The following LRRC7 variants were observed in gnomAD, a reference collection of about 807,000 sequenced individuals.
The protein encoded by LRRC7 is leucine rich repeat containing 7.
A neutral mutation model predicts 175.7 loss-of-function variants in LRRC7; 23 were observed. The observed-to-expected ratio is 0.13, with a 90% CI of 0.09 to 0.19. The LOEUF (loss-of-function observed/expected upper bound fraction) is 0.19, where lower values mean the gene tolerates loss of function less well. Ranked by LOEUF, LRRC7 falls within the 10% of genes least tolerant of loss-of-function variation. The pLI is 1.00. For synonymous variants in LRRC7, 685 were observed against 680.9 expected (o/e 1.01, Z -0.09); for missense variants, 1,354 against 1,904.7 (o/e 0.71, Z 5.38).
At chr1:70,088,269 T>G (rs1452003300) in intron 24 of LRRC7, among the ~76,000 whole-genome samples, 1 of 152,126 alleles carries the variant, frequency 6.6e-6, no homozygotes, top group Non-Finnish European at 1.5e-5. Context: ...TTAAAAGTTG[T>G]AAAAGAGTTG....
chr1:69,799,118 T>C (rs1282030707), intron 4 of LRRC7, among the ~76,000 whole-genome samples: 1 of 139,666 alleles, frequency 7.2e-6, no homozygotes, highest in Non-Finnish European at 1.6e-5. Flanking sequence ...TTTTTTTTTT[T>C]GATTATGTGG....
chr1:69,959,379 C>T (rs1650821736), intron 8 of LRRC7, among the ~76,000 whole-genome samples: 2 of 151,950 alleles, frequency 1.3e-5, no homozygotes, highest in Non-Finnish European at 2.9e-5. Context: ...TTTAGCCTAT[C>T]AGTGATATAT....
intron 2 of LRRC7, chr1:69,716,163 A>G: frequency 2.2e-6 from 1 of 444,906 alleles, no homozygotes. Context: ...ATGAAAAAAA[A>G]TGCAAGTCAA....
At chr1:69,800,653 T>C (rs1352345069) in intron 4 of LRRC7, among the ~76,000 whole-genome samples, 7 of 151,948 alleles carry the variant, frequency 4.6e-5, no homozygotes, top group Admixed American at 4.6e-4. Flanking sequence ...TCTTTAGGGT[T>C]TTCTAGGTAT....
At chr1:69,700,787 C>G (rs1373839890) in intron 2 of LRRC7, among the ~76,000 whole-genome samples, 3 of 152,118 alleles carry the variant, frequency 2.0e-5, no homozygotes, top group Non-Finnish European at 4.4e-5. Flanking sequence ...TGACTCAGTT[C>G]CAAAGTTTGA....
At chr1:69,642,454 C>A (rs557656595) in intron 1 of LRRC7, among the ~76,000 whole-genome samples, 2 of 152,006 alleles carry the variant, frequency 1.3e-5, no homozygotes, top group East Asian at 3.9e-4. Context: ...TACCTTCAAG[C>A]AAAAGTAAGG....
intron 1 of LRRC7, among the ~76,000 whole-genome samples, chr1:69,604,277 CCTACAAAGTTAATG>C (rs1317192798): frequency 6.6e-6 from 1 of 152,084 alleles, no homozygotes; most frequent in East Asian, 1.9e-4. Context: ...CATATTCTAT[CCTACAAAGTTAATG>C]CTACAAAGTT....
At chr1:69,872,556 C>G (rs1344507290) in intron 7 of LRRC7, among the ~76,000 whole-genome samples, 1 of 151,954 alleles carries the variant, frequency 6.6e-6, no homozygotes, top group Non-Finnish European at 1.5e-5. Flanking sequence ...TGAGCTATTG[C>G]TGTATCTAGA....
At chr1:69,929,099 C>T (rs1647186960) in intron 7 of LRRC7, among the ~76,000 whole-genome samples, 1 of 152,122 alleles carries the variant, frequency 6.6e-6, no homozygotes, top group African/African-American at 2.4e-5. Flanking sequence ...TACATTCATG[C>T]CCTTGGTGAT....
intron 2 of LRRC7, among the ~76,000 whole-genome samples, chr1:69,711,983 C>T (rs1268593750): frequency 6.6e-6 from 1 of 152,090 alleles, no homozygotes; most frequent in Non-Finnish European, 1.5e-5. Context: ...CTTGTGTCAT[C>T]ATTTACATAT....
intron 22 of LRRC7, among the ~76,000 whole-genome samples, chr1:70,052,499 C>T (rs1660824494): frequency 6.6e-6 from 1 of 151,934 alleles, no homozygotes; most frequent in East Asian, 1.9e-4. Flanking sequence ...GTTGATAACG[C>T]CATAGTACCA....
intron 7 of LRRC7, among the ~76,000 whole-genome samples, chr1:69,889,122 T>A (rs1446739645): frequency 6.6e-6 from 1 of 152,222 alleles, no homozygotes; most frequent in Non-Finnish European, 1.5e-5. Context: ...AATCTTCTGA[T>A]GCTTCAGCAA....
intron 8 of LRRC7, among the ~76,000 whole-genome samples, chr1:69,945,140 C>T (rs532139841): frequency 2.2e-4 from 34 of 152,172 alleles, no homozygotes; most frequent in South Asian, 1.2e-3. Context: ...AGTTTCGGGA[C>T]GTACATTACT....
rs1419757972 is a variant in LRRC7, at chr1:70,124,069, C to T, written c.*2182C>T. ...ACCTCTGCCACTCCTGATGTGACAA[C>T]ATTGTCCTGAGCCACTTCTTTAGTA... On this transcript the variant is annotated 3_prime_UTR_variant, in exon 27 of 27. Transcript: ENST00000651989. 6.6e-6 allele frequency among the ~76,000 whole-genome samples: 1 copy of T among 152,180 alleles called. No individual in the cohort carries two copies.
chr1:70,092,747 G>A (rs530941492), intron 25 of LRRC7, among the ~76,000 whole-genome samples: 1 of 152,244 alleles, frequency 6.6e-6, no homozygotes, highest in African/African-American at 2.4e-5. Flanking sequence ...ACGTTCTGGG[G>A]TAATGTGAGA....
intron 22 of LRRC7, among the ~76,000 whole-genome samples, chr1:70,051,445 A>G (rs1342721097): frequency 2.0e-5 from 3 of 152,056 alleles, no homozygotes; most frequent in Non-Finnish European, 2.9e-5. Context: ...TTTAATATCT[A>G]GAAAAAATTG....
In LRRC7 at chr1:70,053,137, A is replaced by G. The variant is rs1660873051; in HGVS notation, c.4222A>G (p.Thr1408Ala). Reference sequence around the variant, plus strand: ...GCGGGATGTACCTCCGGACACCATTACTAAGAAGGTAACCAATTTTTAATT... The same window carrying G: ...GCGGGATGTACCTCCGGACACCATTGCTAAGAAGGTAACCAATTTTTAATT... Reference protein sequence around the residue: ...GRRDVPPDTITKKAGSHIQTL... With the variant: ...GRRDVPPDTIAKKAGSHIQTL... The change falls in exon 23 of 27, where the codon ACT becomes GCT. Residue 1408 changes from threonine to alanine, a missense_variant. This residue lies in a region of LRRC7 where 1,032 missense variants were observed against 1,227.2 expected (regional missense o/e 0.84). Coordinates refer to ENST00000651989, the MANE Select transcript of LRRC7 (RefSeq NM_001370785.2). 6.2e-7 allele frequency: 1 copy of G among 1,604,396 alleles called. No individual in the cohort carries two copies. The highest frequency in any genetic ancestry group is 8.5e-7 in the Non-Finnish European group (1 of 1,175,472).
chr1:69,662,187 T>C (rs1429248563), intron 1 of LRRC7, among the ~76,000 whole-genome samples: 1 of 152,164 alleles, frequency 6.6e-6, no homozygotes, highest in African/African-American at 2.4e-5. Context: ...ATAAATAATA[T>C]ATGTAAAGAT....
Position 70,136,810 on chromosome 1 carries a change from G to C in LRRC7, c.*14923G>C, listed in dbSNP as rs1204563024. On this transcript the variant is annotated 3_prime_UTR_variant, in exon 27 of 27. Coordinates refer to ENST00000651989, the MANE Select transcript of LRRC7 (RefSeq NM_001370785.2). Reference sequence around the variant, plus strand: ...AGTGGCATGATCATGGCCCACTGCAGCCTTGACCACCTGGGCTCAAGTGAT... The same window carrying C: ...AGTGGCATGATCATGGCCCACTGCACCCTTGACCACCTGGGCTCAAGTGAT... 7.1e-6 allele frequency among the ~76,000 whole-genome samples: 1 copy of C among 140,266 alleles called. No individual in the cohort carries two copies. The highest frequency in any genetic ancestry group is 1.5e-5 in the Non-Finnish European group (1 of 66,220). 92.0% of individuals were successfully genotyped at this position (140,266 alleles called of 152,430 possible). A position where few individuals can be genotyped will look rare whatever the true frequency, so the allele number is the denominator to read the frequency against.
Sources: allele counts gnomAD v4.1 joint callset (sites outside exome capture counted in the v4.1 genomes callset), GRCh38; gene constraint gnomAD v4.1.1; regional missense constraint gnomAD v4.1.1; transcripts MANE v1.5; gene names NCBI Gene and HGNC (gene_info 2026-07-23, HGNC 2026-07-21).